Variants in TENT4B observed in about 807,000 individuals in gnomAD.
TENT4B encodes terminal nucleotidyltransferase 4B, also known as PAP associated domain containing 5.
In TENT4B, 10 loss-of-function variants were observed where a neutral mutation model predicts 75.0. The observed-to-expected ratio is 0.13, with a 90% CI of 0.08 to 0.23. The LOEUF is 0.23. Among genes scored for constraint, TENT4B ranks in the 10% least tolerant of loss-of-function variants. The pLI, the probability that TENT4B is intolerant of heterozygous loss-of-function variation, is 1.00. For missense variants in TENT4B, 579 were observed against 893.8 expected, an observed-to-expected ratio of 0.65 and a Z score of 4.49; for synonymous variants, 350 against 357.7, an observed-to-expected ratio of 0.98 and a Z score of 0.24.
Position 50,229,733 on chromosome 16 carries a change from G to C in TENT4B, c.*405G>C. The C allele has an allele frequency of 5.1e-6, 5 of 988,328 alleles. No homozygotes were observed. The highest frequency in any genetic ancestry group is 6.0e-6 in the Non-Finnish European group (5 of 831,824). 61.2% of individuals were successfully genotyped at this position (988,328 alleles called of 1,614,324 possible). ...GATGAGGTGGGGAAGGAAAACAAAG[G>C]TATCTGATAGGAAGTCCAGATTCCA... is the stretch of plus-strand genomic sequence containing the variant. On this transcript the variant is annotated 3_prime_UTR_variant, in exon 12 of 12. Coordinates refer to ENST00000561678, the MANE Select transcript of TENT4B (RefSeq NM_001365324.3).
intron 4 of TENT4B, 94 bp from the exon 5 acceptor site, chr16:50,217,462 T>C (rs2031618592): frequency 7.8e-6 from 5 of 643,244 alleles, no homozygotes; most frequent in Non-Finnish European, 1.3e-5. Flanking sequence ...TCTCATGAGA[T>C]GATGGAGACC....
At chr16:50,180,125 A>G (rs1597240889) in intron 1 of TENT4B, among the ~76,000 whole-genome samples, 1 of 146,518 alleles carries the variant, frequency 6.8e-6, no homozygotes, top group South Asian at 2.1e-4. Flanking sequence ...TTTTTTTGAG[A>G]TGGCGTCTCG....
chr16:50,166,111 C>A (rs988546374), intron 1 of TENT4B, among the ~76,000 whole-genome samples: 6 of 112,836 alleles, frequency 5.3e-5, no homozygotes, highest in Non-Finnish European at 1.0e-4. Context: ...GAGGTGAAGT[C>A]TTGCTTTATT....
At chr16:50,178,350 T>C (rs1289551692) in intron 1 of TENT4B, among the ~76,000 whole-genome samples, 2 of 151,608 alleles carry the variant, frequency 1.3e-5, no homozygotes, top group Admixed American at 6.6e-5. Context: ...ATGGCTGAAG[T>C]GGGAGGATTG....
In TENT4B at chr16:50,230,120, T is replaced by TAA. The variant is rs577496155; in HGVS notation, c.*804_*805dup. 2.6e-6 allele frequency: 2 copies of TAA among 783,462 alleles called. No individual in the cohort carries two copies. The highest frequency in any genetic ancestry group is 1.5e-6 in the Non-Finnish European group (1 of 650,398). 48.5% of individuals were successfully genotyped at this position (783,462 alleles called of 1,614,324 possible). The stretch of plus-strand genomic sequence containing the variant: ...GGCAAATGATGTTTATTTTATTTTG[T>TAA]AAAAAAAAAAAAATGTACTATGTAC... On this transcript the variant is annotated 3_prime_UTR_variant, in exon 12 of 12. Coordinates refer to ENST00000561678, the MANE Select transcript of TENT4B (RefSeq NM_001365324.3).
intron 1 of TENT4B, 74 bp downstream of exon 1, chr16:50,154,333 G>T (rs1328764802): frequency 1.3e-5 from 18 of 1,379,984 alleles, no homozygotes; most frequent in East Asian, 2.9e-5. Flanking sequence ...ACAGAGGGGG[G>T]TTGTGAGGGT....
intron 1 of TENT4B, among the ~76,000 whole-genome samples, chr16:50,204,020 G>T (rs2030807848): frequency 6.6e-6 from 1 of 152,184 alleles, no homozygotes; most frequent in East Asian, 1.9e-4. Context: ...TCTTGAAAAA[G>T]CAAGGCGTGC....
rs147808923 is a variant in TENT4B at position 50,230,877 on chromosome 16, G to T, written c.*1549G>T. The T allele has an allele frequency of 8.5e-4, 836 of 985,384 alleles. 4 individuals are homozygous for T. The African/African-American group carries it at 0.014, about 16-fold the overall frequency. 61.0% of individuals were successfully genotyped at this position (985,384 alleles called of 1,614,324 possible). ...CTTATGTTTAGCATCAATGTGTATG[G>T]CTCTGTTAAATGCAGCCATTTCTGA... On this transcript the variant is annotated 3_prime_UTR_variant, in exon 12 of 12. Transcript: ENST00000561678.
intron 1 of TENT4B, among the ~76,000 whole-genome samples, chr16:50,191,392 A>T (rs1255064514): frequency 2.6e-5 from 4 of 152,130 alleles, no homozygotes. Context: ...TTGATAGAAT[A>T]GCCATCCTAA....
At chr16:50,222,057 GC>G (rs1285254280) in intron 5 of TENT4B, among the ~76,000 whole-genome samples, 3 of 152,096 alleles carry the variant, frequency 2.0e-5, no homozygotes, top group Non-Finnish European at 4.4e-5. Flanking sequence ...GAGCCACCAT[GC>G]CCAGCCCTGT....
At chr16:50,185,034 G>A (rs937512114) in intron 1 of TENT4B, among the ~76,000 whole-genome samples, 3 of 152,162 alleles carry the variant, frequency 2.0e-5, no homozygotes, top group Non-Finnish European at 2.9e-5. Flanking sequence ...TTGTGCAGGC[G>A]AGTGAGAAAG....
At chr16:50,160,574 G>GT (rs1165108723) in intron 1 of TENT4B, among the ~76,000 whole-genome samples, 1 of 152,198 alleles carries the variant, frequency 6.6e-6, no homozygotes, top group Non-Finnish European at 1.5e-5. Context: ...AAATCATAGT[G>GT]TTAGAAGTAC....
intron 1 of TENT4B, among the ~76,000 whole-genome samples, chr16:50,176,329 C>T (rs1597236688): frequency 1.3e-5 from 2 of 151,824 alleles, no homozygotes; most frequent in East Asian, 3.9e-4. Flanking sequence ...ATATGATCTG[C>T]CCGCCTCCGT....
At position 50,234,782 on chromosome 16, in the gene TENT4B, G is replaced by T; in HGVS notation, c.*5454G>T. On this transcript the variant is annotated 3_prime_UTR_variant, in exon 12 of 12. Coordinates refer to ENST00000561678, the MANE Select transcript of TENT4B (RefSeq NM_001365324.3). ...ATGGGTGAAAAGTGAGGGACGACCA[G>T]TGTAGTTTCTGGATATAAAGTGTGA... The T allele has an allele frequency of 1.0e-6, 1 of 985,500 alleles. No homozygotes were observed. Among genetic ancestry groups the T allele is most frequent in the Non-Finnish European group, 1.2e-6 (1 of 829,942 alleles). The allele number at this position is 985,500 out of a possible 1,614,324, so 61.0% of individuals were successfully genotyped here.
chr16:50,183,749 A>G (rs2038470347), intron 1 of TENT4B, among the ~76,000 whole-genome samples: 1 of 152,080 alleles, frequency 6.6e-6, no homozygotes, highest in Non-Finnish European at 1.5e-5. Context: ...TCTGCAAAAG[A>G]ATTGGGCAGA....
chr16:50,230,804 A>C lies in TENT4B; in HGVS notation c.*1476A>C, dbSNP rs2032269058. The C allele has an allele frequency of 1.0e-6, 1 of 985,548 alleles. No individual in the cohort carries two copies. Among genetic ancestry groups the C allele is most frequent in the Admixed American group, 6.2e-5 (1 of 16,260 alleles). 61.1% of individuals were successfully genotyped at this position (985,548 alleles called of 1,614,324 possible). A position where few individuals can be genotyped will look rare whatever the true frequency, so the allele number is the denominator to read the frequency against. On this transcript the variant is annotated 3_prime_UTR_variant, in exon 12 of 12. Coordinates refer to ENST00000561678, the MANE Select transcript of TENT4B (RefSeq NM_001365324.3). ...CTCAGTTGGGAATATTTAATATAAT[A>C]GAATGTAAGTGACATTTCTGAAAAT...
rs752805686 is a variant in TENT4B, at chr16:50,225,298, G to A, written c.1800+13G>A. 22 of 1,597,412 alleles carry A rather than the reference G, an allele frequency of 1.4e-5. No individual in the cohort carries two copies. Among genetic ancestry groups the A allele is most frequent in the Admixed American group, 1.7e-5 (1 of 57,686 alleles). The stretch of plus-strand genomic sequence containing the variant: ...CTCTAGTGATGTAGTAAGTATGAAA[G>A]CCTCGGCTCTTCTGAACTCAGATGC... On this transcript the variant is annotated intron_variant, in intron 10 of 11. Transcript: ENST00000561678.
intron 1 of TENT4B, among the ~76,000 whole-genome samples, chr16:50,169,260 G>A (rs9302747): frequency 0.97 from 147,990 of 152,244 alleles, 71,928 homozygotes; most frequent in East Asian, 1. Context: ...GTTGTTTCCT[G>A]TGGACTTTCC....
chr16:50,156,452 C>T (rs2037902645), intron 1 of TENT4B, among the ~76,000 whole-genome samples: 1 of 151,470 alleles, frequency 6.6e-6, no homozygotes, highest in South Asian at 2.1e-4. Context: ...TCAAGCGATT[C>T]TGCTGCCTCA....
Sources: allele counts gnomAD v4.1 joint callset (sites outside exome capture counted in the v4.1 genomes callset), GRCh38; gene constraint gnomAD v4.1.1; transcripts MANE v1.5; gene names NCBI Gene and HGNC (gene_info 2026-07-23, HGNC 2026-07-21).